ADGRG5: variants seen among roughly 807,000 people sequenced by gnomAD.
ADGRG5 encodes the protein adhesion G protein-coupled receptor G5.
A neutral mutation model predicts 53.2 loss-of-function variants in ADGRG5; 37 were observed. The observed-to-expected ratio is 0.70, with a 90% CI of 0.53 to 0.91. ADGRG5 has a LOEUF of 0.91. Ranked by LOEUF, ADGRG5 falls within the 40% of genes least tolerant of loss-of-function variation. The probability of loss-of-function intolerance (pLI) is 0.00; values close to 1 mark genes in which losing one functional copy is unlikely to be tolerated. For missense variants in ADGRG5, 614 were observed against 675.8 expected, an observed-to-expected ratio of 0.91 and a Z score of 1.01; for synonymous variants, 277 against 290.4, an observed-to-expected ratio of 0.95 and a Z score of 0.47.
intron 1 of ADGRG5, among the ~76,000 whole-genome samples, chr16:57,546,871 A>C (rs566580003): frequency 1.9e-4 from 29 of 152,224 alleles, no homozygotes; most frequent in African/African-American, 7.0e-4. Context: ...GGTGTGCGCC[A>C]CCATGCCCAG....
intron 1 of ADGRG5, among the ~76,000 whole-genome samples, chr16:57,543,734 C>T (rs1030606028): frequency 2.0e-5 from 3 of 151,980 alleles, no homozygotes; most frequent in Non-Finnish European, 2.9e-5. Context: ...GAGAGGTGGG[C>T]TTCGGGGGTG....
At chr16:57,531,160 T>C in the ADGRG5 span, among the ~76,000 whole-genome samples, 1 of 152,004 alleles carries the variant, frequency 6.6e-6, no homozygotes, top group African/African-American at 2.4e-5. Context: ...GAGCTTCCCA[T>C]ACCTCCAACC....
intron 1 of ADGRG5, among the ~76,000 whole-genome samples, chr16:57,554,092 G>T (rs1213814454): frequency 2.6e-5 from 4 of 152,180 alleles, no homozygotes; most frequent in African/African-American, 9.6e-5. Context: ...GTAAGCATTG[G>T]TAGTTTGTGT....
At chr16:57,562,667 T>C (rs1186082715) in intron 3 of ADGRG5, 1 of 579,694 alleles carries the variant, frequency 1.7e-6, no homozygotes, top group African/African-American at 1.9e-5. Context: ...TAATCATAGA[T>C]GTCATGACAC....
chr16:57,550,744 T>A (rs1211238749), intron 1 of ADGRG5, among the ~76,000 whole-genome samples: 1 of 152,102 alleles, frequency 6.6e-6, no homozygotes, highest in Non-Finnish European at 1.5e-5. Flanking sequence ...AAAGTGATGC[T>A]TACGGCCAGG....
intron 1 of ADGRG5, among the ~76,000 whole-genome samples, chr16:57,553,253 A>C (rs1194190723): frequency 6.6e-6 from 1 of 152,234 alleles, no homozygotes; most frequent in Non-Finnish European, 1.5e-5. Context: ...TTGTAAAAAA[A>C]ACCCACAAGA....
intron 1 of ADGRG5, among the ~76,000 whole-genome samples, chr16:57,554,258 C>G (rs1037563729): frequency 2.0e-5 from 3 of 151,882 alleles, no homozygotes; most frequent in Non-Finnish European, 4.4e-5. Flanking sequence ...CCTTTTTTCC[C>G]CTTTATCATT....
rs2033455706 is a variant in ADGRG5 at position 57,574,475 on chromosome 16, G to A, written c.1209-340G>A. 1.3e-5 allele frequency among the ~76,000 whole-genome samples: 2 copies of A among 152,254 alleles called. No individual in the cohort carries two copies. Among genetic ancestry groups the A allele is most frequent in the Non-Finnish European group, 1.5e-5 (1 of 68,048 alleles). On this transcript the variant is annotated intron_variant, in intron 10 of 11. Transcript: ENST00000349457. The surrounding 1 kb of genome is among the most constrained non-coding windows in gnomAD (Gnocchi z 4.4). ...GGCCAAGGATCCAATAGAAGATGGGGCATGCCGGCCTTGGGCTGGCCATGG... is the reference window on the plus strand; with the variant it reads ...GGCCAAGGATCCAATAGAAGATGGGACATGCCGGCCTTGGGCTGGCCATGG...
intron 4 of ADGRG5, 125 bp downstream of exon 4, chr16:57,563,372 G>A: frequency 1.2e-6 from 1 of 808,060 alleles, no homozygotes; most frequent in Non-Finnish European, 2.0e-6. Flanking sequence ...TCCAGGCTCT[G>A]CCCTAACTGG....
chr16:57,546,103 G>A (rs910303848), intron 1 of ADGRG5, among the ~76,000 whole-genome samples: 2 of 152,150 alleles, frequency 1.3e-5, no homozygotes, highest in Non-Finnish European at 2.9e-5. Context: ...TGGGATTACA[G>A]GTGTGAGCCA....
chr16:57,565,012 C>T, intron 5 of ADGRG5, 22 bp from the exon 6 acceptor site: 2 of 1,482,072 alleles, frequency 1.3e-6, no homozygotes, highest in Non-Finnish European at 1.9e-6. Flanking sequence ...TCCACTCAGC[C>T]CTTCTCCTGC....
At chr16:57,573,899 T>G (rs1463798253) in intron 10 of ADGRG5, among the ~76,000 whole-genome samples, 1 of 152,082 alleles carries the variant, frequency 6.6e-6, no homozygotes, top group Non-Finnish European at 1.5e-5. Flanking sequence ...TTTTTGTATT[T>G]TTAGTACAGA....
In ADGRG5 at chr16:57,552,907, T is replaced by C. The variant is rs2032787886; in HGVS notation, c.-38-9149T>C. Among the ~76,000 whole-genome samples, 3 of 152,170 alleles carry C rather than the reference T, an allele frequency of 2.0e-5. 1 individual carries two copies. In the South Asian group the frequency reaches 6.2e-4, roughly 32 times the overall value. On this transcript the variant is annotated intron_variant, in intron 1 of 11. Transcript: ENST00000349457. ...AGGCCATTGTAGAGTTATTCATTGT[T>C]CTGATTTCGATATTGTTGTGTCCTA...
At chr16:57,532,946 GGAGGGGGCCACT>G in the ADGRG5 span, among the ~76,000 whole-genome samples, 1 of 152,204 alleles carries the variant, frequency 6.6e-6, no homozygotes, top group Non-Finnish European at 1.5e-5. Flanking sequence ...AGCCTGGCAG[GGAGGGGGCCACT>G]GCCACATCCT....
Position 57,563,332 on chromosome 16 carries a change from C to T in ADGRG5, c.297+85C>T, listed in dbSNP as rs1312649012. ...ATTTAAGGTCTGGACTTTCTTTAGG[C>T]TCCACTGTCTTCCTCCCCACACCCC... On this transcript the variant is annotated intron_variant, in intron 4 of 11. Transcript: ENST00000349457. 6 of 1,208,750 alleles carry T rather than the reference C, an allele frequency of 5.0e-6. No homozygotes were observed. The East Asian group carries it at 1.4e-4, about 28-fold the overall frequency. The allele number at this position is 1,208,750 out of a possible 1,614,324, so 74.9% of individuals were successfully genotyped here.
At chr16:57,571,216 C>T (rs2033345998) in intron 10 of ADGRG5, among the ~76,000 whole-genome samples, 4 of 152,212 alleles carry the variant, frequency 2.6e-5, no homozygotes, top group Admixed American at 1.3e-4. Flanking sequence ...GATGCAGGCT[C>T]AGGATGGGGG....
In ADGRG5 at chr16:57,563,986, G is replaced by A. The variant is rs576145241; in HGVS notation, c.429+7G>A. ...CAACACCCACTTTTTCAAGGTCAGT[G>A]TGATGGCGGGCCAAGGAGGGTGGGT... On this transcript the variant is annotated splice_region_variant and intron_variant, in intron 5 of 11. Coordinates refer to ENST00000349457, the MANE Select transcript of ADGRG5 (RefSeq NM_001304376.3). The A allele has an allele frequency of 8.7e-6, 14 of 1,609,108 alleles. No individual in the cohort carries two copies. The African/African-American group carries it at 1.3e-4, about 15-fold the overall frequency.
chr16:57,543,265 G>A (rs1346203524), intron 1 of ADGRG5: 3 of 140,518 alleles, frequency 2.1e-5, no homozygotes, highest in African/African-American at 8.1e-5. Flanking sequence ...GGTTACTATA[G>A]CATTTCTTAG....
intron 1 of ADGRG5, among the ~76,000 whole-genome samples, chr16:57,552,919 A>C (rs949576670): frequency 7.9e-5 from 12 of 152,096 alleles, no homozygotes; most frequent in Non-Finnish European, 1.6e-4. Flanking sequence ...TGATTTCGAT[A>C]TTGTTGTGTC....
Sources: allele counts gnomAD v4.1 joint callset (sites outside exome capture counted in the v4.1 genomes callset), GRCh38; gene constraint gnomAD v4.1.1; non-coding constraint Gnocchi (gnomAD v3.1); transcripts MANE v1.5; gene names NCBI Gene and HGNC (gene_info 2026-07-23, HGNC 2026-07-21).